The following BARD1 variants were observed in gnomAD, a reference collection of about 807,000 sequenced individuals.
The protein encoded by BARD1 is BRCA1 associated RING domain 1, also known as BRCA1-associated RING domain protein 1.
In BARD1, 73 loss-of-function variants were observed where a neutral mutation model predicts 77.0. The observed-to-expected ratio is 0.95, with a 90% confidence interval of 0.79 to 1.15. The LOEUF (loss-of-function observed/expected upper bound fraction) is 1.15. BARD1 is among the 50% of genes most tolerant of loss of function. The pLI, the probability that BARD1 is intolerant of heterozygous loss-of-function variation, is 0.00. For missense variants in BARD1, 993 were observed against 938.8 expected (o/e 1.06, Z -0.75); for synonymous variants, 384 against 338.0 (o/e 1.14, Z -1.49).
At chr2:214,801,489 T>A (rs1437535145) in intron 1 of BARD1, among the ~76,000 whole-genome samples, 5 of 152,108 alleles carry the variant, frequency 3.3e-5, no homozygotes, top group East Asian at 1.9e-4. Context: ...TAAAAAAAAA[T>A]TTACTATTAA....
At chr2:214,801,858 G>C (rs1364375247) in intron 1 of BARD1, among the ~76,000 whole-genome samples, 1 of 147,954 alleles carries the variant, frequency 6.8e-6, no homozygotes, top group Non-Finnish European at 1.5e-5. Flanking sequence ...GCGGGGGGGG[G>C]GGTTGTTTTT....
At chr2:214,762,428 C>A (rs1396337813) in intron 6 of BARD1, among the ~76,000 whole-genome samples, 1 of 152,088 alleles carries the variant, frequency 6.6e-6, no homozygotes, top group Non-Finnish European at 1.5e-5. Flanking sequence ...TGTATACCTA[C>A]ATACATATAT....
chr2:214,783,779 T>C (rs1013439598), intron 3 of BARD1, among the ~76,000 whole-genome samples: 6 of 152,164 alleles, frequency 3.9e-5, no homozygotes, highest in African/African-American at 1.4e-4. Context: ...AAGGATTCCC[T>C]ATTTAATAAA....
chr2:214,762,553 A>C (rs976106136), intron 6 of BARD1, among the ~76,000 whole-genome samples: 4 of 152,224 alleles, frequency 2.6e-5, no homozygotes, highest in African/African-American at 4.8e-5. Flanking sequence ...CTTTGATATC[A>C]AAATCTACCG....
chr2:214,737,202 C>T (rs79284047), intron 9 of BARD1, among the ~76,000 whole-genome samples: 4,579 of 152,102 alleles, frequency 0.03, 226 homozygotes, highest in African/African-American at 0.1. Context: ...GAGACTGTAA[C>T]AAACATCATG....
At chr2:214,790,546 C>T (rs1384885446) in intron 3 of BARD1, among the ~76,000 whole-genome samples, 1 of 152,180 alleles carries the variant, frequency 6.6e-6, no homozygotes, top group Non-Finnish European at 1.5e-5. Context: ...CTTGCATACA[C>T]TTTCATCTCA....
rs786202271 is a variant in BARD1, at chr2:214,809,453, G to A, written c.117C>T (p.Ala39=). The change falls in exon 1 of 11, where the codon GCC becomes GCT. Residue 39 remains alanine, a synonymous_variant. Coordinates refer to ENST00000260947, the MANE Select transcript of BARD1 (RefSeq NM_000465.4). ...DGRGAWAHSR[A]ALDRLEKLLR... ...GCAGCTTCTCCAGGCGGTCGAGCGC[G>A]GCGCGACTGTGGGCCCAGGCACCGC... is the stretch of plus-strand genomic sequence containing the variant. 4.3e-5 allele frequency: 70 copies of A among 1,611,454 alleles called. No homozygotes were observed. The highest frequency in any genetic ancestry group is 3.3e-4 in the Admixed American group (20 of 59,926).
At chr2:214,763,888 ATAAATTT>A (rs1476262036) in intron 6 of BARD1, among the ~76,000 whole-genome samples, 1 of 152,214 alleles carries the variant, frequency 6.6e-6, no homozygotes, top group East Asian at 1.9e-4. Flanking sequence ...AAGGGCAGGA[ATAAATTT>A]CATCTATTCT....
intron 5 of BARD1, 70 bp downstream of exon 5, chr2:214,769,162 C>G: frequency 7.6e-7 from 1 of 1,316,752 alleles, no homozygotes; most frequent in Non-Finnish European, 1.1e-6. Context: ...GATATATAGA[C>G]AACTACATAA....
chr2:214,787,372 A>G (rs1695320094), intron 3 of BARD1, among the ~76,000 whole-genome samples: 1 of 151,980 alleles, frequency 6.6e-6, no homozygotes, highest in African/African-American at 2.4e-5. Context: ...ACTTTACTCA[A>G]AAGATTTTAA....
At chr2:214,794,290 T>C (rs1695660632) in intron 2 of BARD1, among the ~76,000 whole-genome samples, 1 of 152,122 alleles carries the variant, frequency 6.6e-6, no homozygotes, top group Non-Finnish European at 1.5e-5. Context: ...TGTCAAGTTT[T>C]GGTGTAGTAT....
chr2:214,770,277 T>A (rs1276978404), intron 4 of BARD1, among the ~76,000 whole-genome samples: 1 of 152,224 alleles, frequency 6.6e-6, no homozygotes, highest in African/African-American at 2.4e-5. Context: ...CTAATTCAAC[T>A]ATACGAAATA....
At chr2:214,749,161 C>G (rs1438440985) in intron 7 of BARD1, among the ~76,000 whole-genome samples, 1 of 148,172 alleles carries the variant, frequency 6.7e-6, no homozygotes, top group Non-Finnish European at 1.5e-5. Flanking sequence ...AGGAAGCTGG[C>G]CATGGGAACA....
At chr2:214,802,177 G>C (rs1696055120) in intron 1 of BARD1, among the ~76,000 whole-genome samples, 1 of 152,094 alleles carries the variant, frequency 6.6e-6, no homozygotes, top group Non-Finnish European at 1.5e-5. Context: ...ATCACACTTT[G>C]AATTTTGATC....
chr2:214,751,105 GTGTGTGTGTGTGTATATATATATATATA>G (rs1391950679), intron 7 of BARD1, among the ~76,000 whole-genome samples: 2 of 9,976 alleles, frequency 2.0e-4, no homozygotes, highest in Admixed American at 2.0e-3. Context: ...GTGTGTGTGT[GTGTGTGTGTGTGTATATATATATATATA>G]TATATATATA....
At chr2:214,792,551 C>T (rs1219483978) in intron 2 of BARD1, 106 bp from the exon 3 acceptor site, 1 of 1,096,716 alleles carries the variant, frequency 9.1e-7, no homozygotes, top group Non-Finnish European at 1.3e-6. Context: ...GTTATTCTAA[C>T]ATACAATGGT....
chr2:214,751,133 A>ACATTTTTTTTTTTTTTTTTTTTTTTTTT, intron 7 of BARD1, among the ~76,000 whole-genome samples: 1 of 16,274 alleles, frequency 6.1e-5, no homozygotes, highest in Non-Finnish European at 1.6e-4. Flanking sequence ...ATATATATAT[A>ACATTTTTTTTTTTTTTTTTTTTTTTTTT]TATATATATA....
chr2:214,779,031 C>CAT, intron 4 of BARD1, among the ~76,000 whole-genome samples: 1 of 152,216 alleles, frequency 6.6e-6, no homozygotes, highest in East Asian at 1.9e-4. Flanking sequence ...ATATAATATA[C>CAT]ATATATATAA....
At chr2:214,730,559 A>G in intron 9 of BARD1, 51 bp from the exon 10 acceptor site, 1 of 1,417,640 alleles carries the variant, frequency 7.1e-7, no homozygotes, top group Non-Finnish European at 1.0e-6. Context: ...TGAGCACTAT[A>G]TCTCTCTCAT....
Sources: allele counts gnomAD v4.1 joint callset (sites outside exome capture counted in the v4.1 genomes callset), GRCh38; gene constraint gnomAD v4.1.1; transcripts MANE v1.5; gene names NCBI Gene and HGNC (gene_info 2026-07-23, HGNC 2026-07-21).